The following RBM47 variants were observed in gnomAD, a reference collection of about 807,000 sequenced individuals.
RBM47 encodes the protein RNA binding motif protein 47.
In RBM47, 21 loss-of-function variants were observed where a neutral mutation model predicts 47.1. The ratio of observed to expected loss-of-function variants is 0.45; its 90% CI spans 0.32 to 0.64. The LOEUF (loss-of-function observed/expected upper bound fraction) is 0.64, where lower values mean the gene tolerates loss of function less well. Among genes scored for constraint, RBM47 ranks in the 30% least tolerant of loss-of-function variants. The pLI is 0.05. For synonymous variants in RBM47, 375 were observed against 361.7 expected (o/e 1.04, Z -0.42); for missense variants, 708 against 870.9 (o/e 0.81, Z 2.35).
intron 1 of RBM47, among the ~76,000 whole-genome samples, chr4:40,624,863 T>TC (rs1297208139): frequency 1.1e-5 from 1 of 93,024 alleles, no homozygotes; most frequent in African/African-American, 4.0e-5. Flanking sequence ...TCTTTTTCTT[T>TC]TTTTTTTTTT....
intron 2 of RBM47, among the ~76,000 whole-genome samples, chr4:40,518,153 C>CTTTCCTTTTTTTTTTTT (rs1560439940): frequency 1.0e-5 from 1 of 99,546 alleles, no homozygotes; most frequent in African/African-American, 3.5e-5. Flanking sequence ...TGTTTCTTTT[C>CTTTCCTTTTTTTTTTTT]TTTTCTTTTT....
intron 1 of RBM47, among the ~76,000 whole-genome samples, chr4:40,600,526 C>A (rs1003272271): frequency 1.3e-5 from 2 of 150,822 alleles, no homozygotes; most frequent in Admixed American, 1.3e-4. Flanking sequence ...CCCAGCTACT[C>A]GGGAGGCTGA....
intron 2 of RBM47, among the ~76,000 whole-genome samples, chr4:40,537,277 A>T (rs1366429878): frequency 8.7e-5 from 13 of 149,010 alleles, no homozygotes; most frequent in African/African-American, 3.2e-4. Context: ...ATGCCCAGCT[A>T]TTTTTTTTTT....
intron 1 of RBM47, among the ~76,000 whole-genome samples, chr4:40,627,034 A>T (rs1737808155): frequency 6.6e-6 from 1 of 152,224 alleles, no homozygotes; most frequent in Non-Finnish European, 1.5e-5. Context: ...CACTACTTGG[A>T]GCAGTAATGT....
intron 1 of RBM47, among the ~76,000 whole-genome samples, chr4:40,608,691 A>G (rs936138321): frequency 3.3e-5 from 5 of 152,242 alleles, no homozygotes; most frequent in Non-Finnish European, 7.3e-5. Flanking sequence ...AGACTGTTGC[A>G]GCAATAACCA....
intron 1 of RBM47, among the ~76,000 whole-genome samples, chr4:40,563,334 A>G (rs539512688): frequency 4.9e-4 from 75 of 152,256 alleles, no homozygotes; most frequent in Non-Finnish European, 1.0e-3. Flanking sequence ...GAAACAATGA[A>G]CACTTTAATG....
intron 1 of RBM47, among the ~76,000 whole-genome samples, chr4:40,593,525 C>T (rs1734456484): frequency 6.6e-6 from 1 of 151,904 alleles, no homozygotes; most frequent in Non-Finnish European, 1.5e-5. Context: ...CACCTGAGGT[C>T]GGAAGTTAAA....
At chr4:40,472,715 T>C (rs1295049751) in intron 2 of RBM47, among the ~76,000 whole-genome samples, 1 of 152,110 alleles carries the variant, frequency 6.6e-6, no homozygotes, top group Non-Finnish European at 1.5e-5. Flanking sequence ...GTAATATATA[T>C]ATAAACAAGT....
chr4:40,566,116 G>A (rs1356903007), intron 1 of RBM47, among the ~76,000 whole-genome samples: 2 of 152,030 alleles, frequency 1.3e-5, no homozygotes, highest in Non-Finnish European at 2.9e-5. Flanking sequence ...AAACAGAATA[G>A]GAGGAATGAG....
intron 3 of RBM47, among the ~76,000 whole-genome samples, chr4:40,457,146 G>A (rs1237850196): frequency 2.0e-5 from 3 of 151,936 alleles, no homozygotes; most frequent in African/African-American, 7.2e-5. Context: ...GGGGTCGGGC[G>A]TGGTGGCTCA....
intron 2 of RBM47, among the ~76,000 whole-genome samples, chr4:40,490,845 T>C (rs1370553143): frequency 6.6e-6 from 1 of 152,172 alleles, no homozygotes; most frequent in Admixed American, 6.5e-5. Context: ...CTCCTCGATC[T>C]GATCTACAGA....
chr4:40,609,985 A>G (rs1466627294), intron 1 of RBM47, among the ~76,000 whole-genome samples: 1 of 151,994 alleles, frequency 6.6e-6, no homozygotes, highest in Admixed American at 6.6e-5. Context: ...CCAGCTATTC[A>G]GGAGGCTGAG....
rs753284950 is a variant in RBM47, at chr4:40,423,430, T to G, written c.*2474A>C. On this transcript the variant is annotated 3_prime_UTR_variant, in exon 7 of 7. Transcript: ENST00000295971. ...AAAACAGAACTCTAAAACTTTTTTT[T>G]TACATTTATATAGTTTGTTCTTAAC... is the stretch of plus-strand genomic sequence containing the variant. 17 of 152,004 alleles carry G rather than the reference T, an allele frequency of 1.1e-4. No homozygotes were observed. Among genetic ancestry groups the G allele is most frequent in the Non-Finnish European group, 2.2e-4 (15 of 68,014 alleles). 9.4% of individuals were successfully genotyped at this position (152,004 alleles called of 1,614,324 possible).
chr4:40,580,690 C>T (rs1175046027), intron 1 of RBM47, among the ~76,000 whole-genome samples: 3 of 152,290 alleles, frequency 2.0e-5, no homozygotes, highest in East Asian at 1.9e-4. Context: ...GCTCAGCTCT[C>T]ACACATATTG....
chr4:40,470,515 C>T (rs549266214), intron 2 of RBM47, among the ~76,000 whole-genome samples: 4 of 151,968 alleles, frequency 2.6e-5, no homozygotes, highest in Non-Finnish European at 4.4e-5. Context: ...CTTGACGTGT[C>T]GTATGTAGTT....
At chr4:40,496,792 C>A (rs965192794) in intron 2 of RBM47, among the ~76,000 whole-genome samples, 1 of 152,160 alleles carries the variant, frequency 6.6e-6, no homozygotes, top group African/African-American at 2.4e-5. Flanking sequence ...GTAATCCCAG[C>A]ACTTTGGGAG....
chr4:40,424,301 C>T lies in RBM47; in HGVS notation c.*1603G>A, dbSNP rs1714737864. On this transcript the variant is annotated 3_prime_UTR_variant, in exon 7 of 7. Transcript: ENST00000295971. ...GCTACCTTATTGCACACCTCACTTC[C>T]TTGATTGAGCCTTTAAAAAACAATT... 6.6e-6 allele frequency: 1 copy of T among 152,564 alleles called. No homozygotes were observed. Among genetic ancestry groups the T allele is most frequent in the Admixed American group, 6.5e-5 (1 of 15,272 alleles). The allele number at this position is 152,564 out of a possible 1,614,324, so 9.5% of individuals were successfully genotyped here. A position where few individuals can be genotyped will look rare whatever the true frequency, so the allele number is the denominator to read the frequency against.
At chr4:40,469,433 A>ATT (rs55864514) in intron 2 of RBM47, among the ~76,000 whole-genome samples, 6 of 128,782 alleles carry the variant, frequency 4.7e-5, no homozygotes, top group African/African-American at 5.7e-5. Context: ...CCATTCCATA[A>ATT]TTTTTTTTTT....
At chr4:40,465,695 G>C (rs1396668237) in intron 3 of RBM47, among the ~76,000 whole-genome samples, 2 of 151,688 alleles carry the variant, frequency 1.3e-5, no homozygotes, top group African/African-American at 2.4e-5. Flanking sequence ...AAAAAAAAGA[G>C]AGATCTTGGC....
Sources: gnomAD v4.1 joint callset for allele counts (sites outside exome capture counted in the v4.1 genomes callset) on GRCh38, gnomAD v4.1.1 for gene constraint, MANE v1.5 for transcripts, NCBI Gene and HGNC (gene_info 2026-07-23, HGNC 2026-07-21) for gene names.